CYREN: variants seen among roughly 807,000 people sequenced by gnomAD.
The protein encoded by CYREN is cell cycle regulator of NHEJ, also known as cell cycle regulator of non-homologous end joining.
In CYREN, 7 loss-of-function variants were observed where a neutral mutation model predicts 9.7. The observed-to-expected ratio is 0.72, with a 90% CI of 0.41 to 1.36. The LOEUF (loss-of-function observed/expected upper bound fraction) is 1.36, where lower values mean the gene tolerates loss of function less well. CYREN is among the 40% of genes most tolerant of loss of function. The pLI, the probability that CYREN is intolerant of heterozygous loss-of-function variation, is 0.01. For missense variants in CYREN, 215 were observed against 198.1 expected, an observed-to-expected ratio of 1.09 and a Z score of -0.51; for synonymous variants, 76 against 77.9, an observed-to-expected ratio of 0.98 and a Z score of 0.13.
At chr7:135,104,685 T>C (rs1357882176) in intron 2 of CYREN, among the ~76,000 whole-genome samples, 6 of 152,224 alleles carry the variant, frequency 3.9e-5, no homozygotes, top group African/African-American at 7.2e-5. Flanking sequence ...ATCAGTGATA[T>C]TGAGCTTTAT....
chr7:135,133,944 T>C (rs927718503), intron 2 of CYREN, among the ~76,000 whole-genome samples: 1 of 151,872 alleles, frequency 6.6e-6, no homozygotes, highest in Non-Finnish European at 1.5e-5. Flanking sequence ...CTCCAGACAA[T>C]TACTCTGAGA....
At position 135,169,012 on chromosome 7, in the gene CYREN, C is replaced by T; in HGVS notation, c.-90G>A. 11 of 1,260,424 alleles carry T rather than the reference C, an allele frequency of 8.7e-6. No homozygotes were observed. The highest frequency in any genetic ancestry group is 1.2e-5 in the Non-Finnish European group (11 of 924,182). The allele number at this position is 1,260,424 out of a possible 1,614,324, so 78.1% of individuals were successfully genotyped here. A position where few individuals can be genotyped will look rare whatever the true frequency, so the allele number is the denominator to read the frequency against. Reference sequence around the variant, plus strand: ...AGGTAAATCTCGTTCTCTCGTCACACCCGGAATTACAGGTCCATTTGTCCT... The same window carrying T: ...AGGTAAATCTCGTTCTCTCGTCACATCCGGAATTACAGGTCCATTTGTCCT... On this transcript the variant is annotated 5_prime_UTR_variant, in exon 2 of 4. The change creates a new upstream start codon in the 5' untranslated region. Transcript: ENST00000393114.
chr7:135,135,151 C>A, intron 2 of CYREN: 6 of 1,551,062 alleles, frequency 3.9e-6, no homozygotes, highest in Non-Finnish European at 5.2e-6. Context: ...AGAAACTAAC[C>A]AGCAAAGCTC....
chr7:135,169,175 T>A, intron 1 of CYREN, 115 bp from the exon 2 acceptor site: 1 of 363,536 alleles, frequency 2.8e-6, no homozygotes, highest in South Asian at 3.8e-5. Context: ...CAGACGGCCA[T>A]TCACAGGCAT....
At chr7:135,095,163 T>C (rs1044011199) in intron 2 of CYREN, among the ~76,000 whole-genome samples, 1 of 152,144 alleles carries the variant, frequency 6.6e-6, no homozygotes, top group Non-Finnish European at 1.5e-5. Flanking sequence ...CCTCCTCTAG[T>C]CTTCCTGTCT....
rs144709674 is a variant in CYREN, at chr7:135,160,180, T to C, written n.356+8569A>G. Reference sequence around the variant, plus strand: ...AGAAGTGTGCTGTTCAGAGTGGTTATTTCTACGACCTGAAGTATAGATGAC... The same window carrying C: ...AGAAGTGTGCTGTTCAGAGTGGTTACTTCTACGACCTGAAGTATAGATGAC... On this transcript the variant is annotated intron_variant and non_coding_transcript_variant, in intron 2 of 2. Transcript: ENST00000459937. Among the ~76,000 whole-genome samples the C allele has an allele frequency of 2.6e-4, 39 of 152,322 alleles. No individual in the cohort carries two copies. In the East Asian group the frequency reaches 7.3e-3, roughly 29 times the overall value.
At chr7:135,122,933 G>A (rs571478487) in intron 2 of CYREN, among the ~76,000 whole-genome samples, 2 of 152,238 alleles carry the variant, frequency 1.3e-5, no homozygotes, top group East Asian at 3.9e-4. Flanking sequence ...TCATGAAGAT[G>A]GGAAAGAATT....
chr7:135,140,671 C>T (rs918170371), intron 2 of CYREN, among the ~76,000 whole-genome samples: 6 of 151,962 alleles, frequency 3.9e-5, no homozygotes, highest in African/African-American at 1.2e-4. Flanking sequence ...AGCTTTTGCC[C>T]ATTTAGTATG....
intron 2 of CYREN, among the ~76,000 whole-genome samples, chr7:135,106,178 CAT>C (rs1435636978): frequency 6.6e-6 from 1 of 152,142 alleles, no homozygotes; most frequent in Non-Finnish European, 1.5e-5. Flanking sequence ...TGCAAACAGG[CAT>C]AGTCTGAATT....
chr7:135,123,024 C>A (rs1185657365), intron 2 of CYREN, among the ~76,000 whole-genome samples: 1 of 151,982 alleles, frequency 6.6e-6, no homozygotes, highest in Non-Finnish European at 1.5e-5. Flanking sequence ...AGCAATGGCA[C>A]AGAATTGGTT....
chr7:135,101,084 C>T, intron 2 of CYREN: 1 of 415,676 alleles, frequency 2.4e-6, no homozygotes, highest in Non-Finnish European at 4.8e-6. Flanking sequence ...TTTCATCTCC[C>T]AAAGTATGAC....
Position 135,166,861 on chromosome 7 carries a change from T to C in CYREN, c.224A>G (p.Gln75Arg), listed in dbSNP as rs1562930703. The C allele has an allele frequency of 2.5e-6, 4 of 1,613,562 alleles. No individual in the cohort carries two copies. The South Asian group carries it at 4.4e-5, about 18-fold the overall frequency. The change falls in exon 4 of 4, where the codon CAG (glutamine) becomes CGG (arginine). Residue 75 changes from glutamine (Q) to arginine (R), a missense_variant. Gln to Arg is a conservative substitution (Grantham distance 43). Coordinates refer to ENST00000393114, the MANE Select transcript of CYREN (RefSeq NM_024033.4). Reference sequence around the variant, plus strand: ...GGCCGGCTGCTCGCAGGCCTTTTCCTGTTTGCGGCTCTGTGGAGTACGGGA... The same window carrying C: ...GGCCGGCTGCTCGCAGGCCTTTTCCCGTTTGCGGCTCTGTGGAGTACGGGA... ...ALGILIESRKQEKACEQPALA... is the reference protein window; with the variant it reads ...ALGILIESRKREKACEQPALA...
intron 2 of CYREN, among the ~76,000 whole-genome samples, chr7:135,124,528 C>A (rs1482897676): frequency 6.6e-6 from 1 of 152,204 alleles, no homozygotes. Flanking sequence ...CTTGAACTCT[C>A]AGCTCTGGAT....
At chr7:135,159,407 T>C (rs573676496) in intron 2 of CYREN, among the ~76,000 whole-genome samples, 2 of 152,344 alleles carry the variant, frequency 1.3e-5, no homozygotes, top group South Asian at 4.1e-4. Flanking sequence ...AGTATGAAAA[T>C]GTTAGAGGTG....
rs548942800 is a variant in CYREN, at chr7:135,144,124, A to G, written n.356+24625T>C. On this transcript the variant is annotated intron_variant and non_coding_transcript_variant, in intron 2 of 2. Coordinates refer to the CYREN transcript ENST00000459937. ...AGGGACTCCCTTCCTCCACTCAACC[A>G]TAAGGCAAAGGTTCAGTGGGCTGGG... is the stretch of plus-strand genomic sequence containing the variant. Among the ~76,000 whole-genome samples, 6 of 152,324 alleles carry G rather than the reference A, an allele frequency of 3.9e-5. No homozygotes were observed. In the South Asian group the frequency reaches 1.2e-3, roughly 32 times the overall value.
intron 2 of CYREN, chr7:135,148,075 G>A (rs777077108): frequency 6.6e-6 from 3 of 456,220 alleles, no homozygotes; most frequent in South Asian, 4.6e-5. Context: ...AAAGTTCAGA[G>A]AGCTGTTTAC....
At chr7:135,134,209 G>A (rs1158088900) in intron 2 of CYREN, among the ~76,000 whole-genome samples, 1 of 151,988 alleles carries the variant, frequency 6.6e-6, no homozygotes, top group Admixed American at 6.6e-5. Flanking sequence ...GGGAAATTGG[G>A]TGAAGAGTTC....
chr7:135,162,289 TTGC>T (rs1164753851), downstream of CYREN, among the ~76,000 whole-genome samples: 1 of 152,220 alleles, frequency 6.6e-6, no homozygotes, highest in African/African-American at 2.4e-5. Flanking sequence ...ACGACTCATT[TTGC>T]TGCTGAACAC....
chr7:135,153,733 T>C (rs12113917), intron 2 of CYREN, among the ~76,000 whole-genome samples: 55 of 152,310 alleles, frequency 3.6e-4, no homozygotes, highest in African/African-American at 1.2e-3. Flanking sequence ...TGCCATTGGA[T>C]TTGATTTACT....
Sources: gnomAD v4.1 joint callset for allele counts (sites outside exome capture counted in the v4.1 genomes callset) on GRCh38, gnomAD v4.1.1 for gene constraint, MANE v1.5 for transcripts, NCBI Gene and HGNC (gene_info 2026-07-23, HGNC 2026-07-21) for gene names.